The following TRIM36 variants were observed in gnomAD, a reference collection of about 807,000 sequenced individuals.
The protein encoded by TRIM36 is tripartite motif containing 36, also known as E3 ubiquitin-protein ligase TRIM36.
TRIM36 carries 42 observed loss-of-function variants against 72.4 expected under a neutral mutation model. That is an observed-to-expected ratio of 0.58 (90% CI 0.45 to 0.75). The LOEUF (loss-of-function observed/expected upper bound fraction) is 0.75. Ranked by LOEUF, TRIM36 falls within the 30% of genes least tolerant of loss-of-function variation. The pLI, the probability that TRIM36 is intolerant of heterozygous loss-of-function variation, is 0.00. For synonymous variants in TRIM36, 315 were observed against 282.8 expected (o/e 1.11, Z -1.14); for missense variants, 913 against 857.1 (o/e 1.07, Z -0.81).
chr5:115,167,032 G>A (rs1317063742), intron 1 of TRIM36, among the ~76,000 whole-genome samples: 1 of 152,230 alleles, frequency 6.6e-6, no homozygotes, highest in Admixed American at 6.5e-5. Flanking sequence ...ATCTGGGCCA[G>A]TAGTGAAAAC....
intron 1 of TRIM36, among the ~76,000 whole-genome samples, chr5:115,165,684 C>A (rs918511140): frequency 6.6e-6 from 1 of 152,202 alleles, no homozygotes; most frequent in Non-Finnish European, 1.5e-5. Context: ...GACCCAGGAA[C>A]AGGCAGGAGC....
Position 115,145,694 on chromosome 5 carries a change from T to A in TRIM36, c.589-950A>T, listed in dbSNP as rs895017930. Among the ~76,000 whole-genome samples the A allele has an allele frequency of 4.6e-5, 7 of 152,166 alleles. No homozygotes were observed. In the East Asian group the frequency reaches 1.3e-3, roughly 29 times the overall value. On this transcript the variant is annotated intron_variant, in intron 3 of 9. Coordinates refer to ENST00000513154, the MANE Select transcript of TRIM36 (RefSeq NM_001300759.2). Reference sequence around the variant, plus strand: ...GGCATGTGCCACCATGCCCAGCTAATTTTGTAACTTATAGACATTTAAAAG... The same window carrying A: ...GGCATGTGCCACCATGCCCAGCTAAATTTGTAACTTATAGACATTTAAAAG...
chr5:115,162,295 T>A (rs1754526152), intron 2 of TRIM36, among the ~76,000 whole-genome samples: 1 of 152,242 alleles, frequency 6.6e-6, no homozygotes. Context: ...ATCTAGACAG[T>A]GAAATGTATG....
rs112465376 is a variant in TRIM36 at position 115,158,963 on chromosome 5, T to C, written c.262+4555A>G. Reference sequence around the variant, plus strand: ...ATTTCAGGTGTTAAGTATTCTCCCATGAAATAGATGGTGGTATCACCAGCA... The same window carrying C: ...ATTTCAGGTGTTAAGTATTCTCCCACGAAATAGATGGTGGTATCACCAGCA... On this transcript the variant is annotated intron_variant, in intron 2 of 9. Transcript: ENST00000513154. Among the ~76,000 whole-genome samples the C allele has an allele frequency of 2.6e-5, 4 of 152,330 alleles. 1 individual carries two copies. The highest frequency in any genetic ancestry group is 7.2e-5 in the African/African-American group (3 of 41,572).
chr5:115,155,030 A>C (rs1754097359), intron 2 of TRIM36, among the ~76,000 whole-genome samples: 1 of 152,068 alleles, frequency 6.6e-6, no homozygotes, highest in South Asian at 2.1e-4. Context: ...AAAATACAAA[A>C]AAAAAAAAAT....
chr5:115,138,186 G>A (rs1342240944), intron 5 of TRIM36, among the ~76,000 whole-genome samples: 5 of 152,076 alleles, frequency 3.3e-5, no homozygotes, highest in Admixed American at 6.5e-5. Flanking sequence ...TGTAACCTCC[G>A]CCTTCTGGGT....
At chr5:115,143,340 G>C (rs927051194) in intron 4 of TRIM36, among the ~76,000 whole-genome samples, 2 of 149,950 alleles carry the variant, frequency 1.3e-5, no homozygotes, top group South Asian at 2.1e-4. Context: ...ATTAAATGCT[G>C]TTCTGTCCTG....
At chr5:115,162,748 C>T (rs1272442079) in intron 2 of TRIM36, among the ~76,000 whole-genome samples, 2 of 152,188 alleles carry the variant, frequency 1.3e-5, no homozygotes, top group South Asian at 4.2e-4. Context: ...TCAAGGGATG[C>T]TGTCTTTCCC....
chr5:115,127,538 G>A (rs1320860478), intron 9 of TRIM36, among the ~76,000 whole-genome samples: 1 of 152,192 alleles, frequency 6.6e-6, no homozygotes. Flanking sequence ...TGCAGTCCTG[G>A]CAACAGAGCG....
At chr5:115,178,689 C>G (rs961514192) in intron 1 of TRIM36, among the ~76,000 whole-genome samples, 5 of 152,154 alleles carry the variant, frequency 3.3e-5, no homozygotes, top group African/African-American at 1.2e-4. Flanking sequence ...GGAGAGTTCT[C>G]CAATTGTACT....
intron 5 of TRIM36, among the ~76,000 whole-genome samples, chr5:115,140,092 C>T (rs1277016202): frequency 6.6e-6 from 1 of 152,136 alleles, no homozygotes; most frequent in Non-Finnish European, 1.5e-5. Context: ...GGAAAAATGA[C>T]TGACTTAGGG....
At chr5:115,143,351 C>T (rs543613469) in intron 4 of TRIM36, among the ~76,000 whole-genome samples, 1 of 151,694 alleles carries the variant, frequency 6.6e-6, no homozygotes, top group Non-Finnish European at 1.5e-5. Flanking sequence ...TTCTGTCCTG[C>T]CTCACAAAAG....
upstream of TRIM36, among the ~76,000 whole-genome samples, chr5:115,173,922 A>C (rs1180296314): frequency 6.6e-6 from 1 of 152,154 alleles, no homozygotes; most frequent in Non-Finnish European, 1.5e-5. Flanking sequence ...TTCTGGTATT[A>C]CTTAATTGCT....
chr5:115,177,889 C>G (rs765190303), intron 1 of TRIM36: 12 of 1,599,446 alleles, frequency 7.5e-6, no homozygotes, highest in East Asian at 4.5e-5. Flanking sequence ...AAGAGAGAGA[C>G]AGAGAGAGAG....
chr5:115,143,203 C>A (rs1753370344), intron 4 of TRIM36, among the ~76,000 whole-genome samples: 1 of 126,280 alleles, frequency 7.9e-6, no homozygotes, highest in Non-Finnish European at 1.6e-5. Flanking sequence ...GAAAGAGTGC[C>A]TGTTCCCCAC....
intron 8 of TRIM36, 119 bp downstream of exon 8, chr5:115,133,741 T>G: frequency 3.0e-6 from 3 of 1,004,864 alleles, no homozygotes; most frequent in Non-Finnish European, 4.1e-6. Flanking sequence ...TTTTCTGGAG[T>G]CTTTTAAAAA....
chr5:115,140,512 A>G (rs1753219735), intron 5 of TRIM36, among the ~76,000 whole-genome samples: 1 of 152,210 alleles, frequency 6.6e-6, no homozygotes, highest in African/African-American at 2.4e-5. Flanking sequence ...CATCCAACAG[A>G]AAATCCAGAT....
intron 8 of TRIM36, among the ~76,000 whole-genome samples, chr5:115,133,569 A>G (rs1389396853): frequency 6.6e-6 from 1 of 152,214 alleles, no homozygotes; most frequent in Non-Finnish European, 1.5e-5. Context: ...AATAGCATTT[A>G]TGCTATTTAA....
At chr5:115,127,605 C>T (rs150161867) in intron 9 of TRIM36, among the ~76,000 whole-genome samples, 16 of 152,238 alleles carry the variant, frequency 1.1e-4, no homozygotes, top group Non-Finnish European at 1.8e-4. Flanking sequence ...AGCTTAGTGA[C>T]GTGGTAGCCA....
Sources: allele counts gnomAD v4.1 joint callset (sites outside exome capture counted in the v4.1 genomes callset), GRCh38; gene constraint gnomAD v4.1.1; transcripts MANE v1.5; gene names NCBI Gene and HGNC (gene_info 2026-07-23, HGNC 2026-07-21).